The following PRKD1 variants were observed in gnomAD, a reference collection of about 807,000 sequenced individuals.
PRKD1 encodes serine/threonine-protein kinase D1.
In PRKD1, 63 loss-of-function variants were observed where a neutral mutation model predicts 95.9. The ratio of observed to expected loss-of-function variants is 0.66; its 90% CI spans 0.54 to 0.81. PRKD1 has a LOEUF of 0.81. PRKD1 is among the 30% of genes least tolerant of loss of function. The probability of loss-of-function intolerance (pLI) is 0.00; values close to 1 mark genes in which losing one functional copy is unlikely to be tolerated. For synonymous variants in PRKD1, 425 were observed against 423.1 expected (o/e 1.00, Z -0.05); for missense variants, 1,048 against 1,165.3 (o/e 0.90, Z 1.47).
intron 1 of PRKD1, among the ~76,000 whole-genome samples, chr14:29,870,438 T>C (rs1033600354): frequency 6.6e-6 from 1 of 152,196 alleles, no homozygotes; most frequent in Non-Finnish European, 1.5e-5. Context: ...ATAAGCATGG[T>C]AATTTTCTGT....
intron 2 of PRKD1, among the ~76,000 whole-genome samples, chr14:29,679,378 A>G (rs1883405607): frequency 6.6e-6 from 1 of 152,198 alleles, no homozygotes; most frequent in African/African-American, 2.4e-5. Flanking sequence ...CAAAGATTGC[A>G]TCTAACCTTC....
In PRKD1 at chr14:29,637,013, G is replaced by A. The variant is rs565117455; in HGVS notation, c.986-519C>T. Among the ~76,000 whole-genome samples, 21 of 152,224 alleles carry A rather than the reference G, an allele frequency of 1.4e-4. No homozygotes were observed. In the South Asian group the frequency reaches 2.7e-3, roughly 20 times the overall value. ...CATGTAATTTTATAGGTAGATGCTC[G>A]TTTTCCGTTTTCCCAAGCCTGAAAA... On this transcript the variant is annotated intron_variant, in intron 6 of 17. Coordinates refer to ENST00000331968, the MANE Select transcript of PRKD1 (RefSeq NM_002742.3).
At chr14:29,594,581 T>C (rs1893237787) in intron 16 of PRKD1, among the ~76,000 whole-genome samples, 3 of 152,202 alleles carry the variant, frequency 2.0e-5, no homozygotes, top group African/African-American at 7.2e-5. Context: ...GAATGGCAGA[T>C]AGGACTCTCT....
chr14:29,661,599 C>G (rs1430772406), intron 4 of PRKD1, among the ~76,000 whole-genome samples: 1 of 152,128 alleles, frequency 6.6e-6, no homozygotes, highest in Non-Finnish European at 1.5e-5. Flanking sequence ...TTCCTACTTT[C>G]TCAGGGATTG....
At position 29,780,965 on chromosome 14, in the gene PRKD1, A is replaced by G. The variant is rs935506687; in HGVS notation, c.265-55291T>C. Reference sequence around the variant, plus strand: ...CATGGAATACTATGCCACCATAAAAAAGGATGAGTTCATGTCCTTTGTAGG... The same window carrying G: ...CATGGAATACTATGCCACCATAAAAGAGGATGAGTTCATGTCCTTTGTAGG... On this transcript the variant is annotated intron_variant, in intron 1 of 17. Transcript: ENST00000331968. Among the ~76,000 whole-genome samples the G allele has an allele frequency of 3.9e-5, 6 of 152,138 alleles. 1 individual carries two copies. Among genetic ancestry groups the G allele is most frequent in the South Asian group, 4.1e-4 (2 of 4,824 alleles).
chr14:29,839,482 G>A (rs1027615162), intron 1 of PRKD1, among the ~76,000 whole-genome samples: 1 of 152,078 alleles, frequency 6.6e-6, no homozygotes, highest in African/African-American at 2.4e-5. Context: ...ATACTCTCCG[G>A]GGTGCACGGT....
At chr14:29,814,004 T>C (rs149966331) in intron 1 of PRKD1, among the ~76,000 whole-genome samples, 274 of 152,336 alleles carry the variant, frequency 1.8e-3, no homozygotes, top group African/African-American at 6.4e-3. Context: ...TGAATATTCA[T>C]TTACTTTGGG....
chr14:29,714,246 A>G (rs1055181943), intron 2 of PRKD1, among the ~76,000 whole-genome samples: 2 of 152,186 alleles, frequency 1.3e-5, no homozygotes, highest in Admixed American at 6.5e-5. Context: ...GATATAGTGA[A>G]CAATTTCTTC....
In PRKD1 at chr14:29,829,575, A is replaced by G. The variant is rs1007710325; in HGVS notation, c.264+97674T>C. ...GAAGAAAAGGTTTCTTTGCATGTTC[A>G]TTTGTTTCTAGCTACTCTTGATGTA... On this transcript the variant is annotated intron_variant, in intron 1 of 17. Coordinates refer to ENST00000331968, the MANE Select transcript of PRKD1 (RefSeq NM_002742.3). 2.6e-5 allele frequency among the ~76,000 whole-genome samples: 4 copies of G among 152,248 alleles called. No homozygotes were observed. In the East Asian group the frequency reaches 5.8e-4, roughly 22 times the overall value.
chr14:29,858,001 A>T (rs1355530815), intron 1 of PRKD1, among the ~76,000 whole-genome samples: 1 of 152,214 alleles, frequency 6.6e-6, no homozygotes, highest in Non-Finnish European at 1.5e-5. Flanking sequence ...TGAGCCAGCT[A>T]AGAAATTTAA....
At chr14:29,578,681 G>A (rs1336056123) in intron 16 of PRKD1, among the ~76,000 whole-genome samples, 1 of 149,022 alleles carries the variant, frequency 6.7e-6, no homozygotes, top group African/African-American at 2.5e-5. Context: ...TTGTTTATAT[G>A]TACATCATTT....
chr14:29,639,199 A>C (rs888770067), intron 4 of PRKD1, among the ~76,000 whole-genome samples: 3 of 152,220 alleles, frequency 2.0e-5, no homozygotes, highest in Non-Finnish European at 4.4e-5. Context: ...TTAATACAGA[A>C]ATATAAAGTT....
intron 1 of PRKD1, among the ~76,000 whole-genome samples, chr14:29,835,716 A>G (rs1891587201): frequency 6.6e-6 from 1 of 151,938 alleles, no homozygotes; most frequent in Non-Finnish European, 1.5e-5. Flanking sequence ...GATTACAGGC[A>G]CACGCCACCA....
intron 2 of PRKD1, among the ~76,000 whole-genome samples, chr14:29,713,216 G>A (rs1885418603): frequency 6.6e-6 from 1 of 152,074 alleles, no homozygotes; most frequent in South Asian, 2.1e-4. Context: ...ATTCCAATAT[G>A]ACCTCTTAGT....
At chr14:29,911,161 GAAC>G (rs1894699824) in intron 1 of PRKD1, among the ~76,000 whole-genome samples, 1 of 152,070 alleles carries the variant, frequency 6.6e-6, no homozygotes, top group Non-Finnish European at 1.5e-5. Flanking sequence ...AGGTGTGTAA[GAAC>G]TACTTAAGAA....
In PRKD1 at chr14:29,577,119, TTTAA is replaced by T; in HGVS notation, c.*115_*118del. 1 of 1,065,576 alleles carries T rather than the reference TTTAA, an allele frequency of 9.4e-7. No homozygotes were observed. The highest frequency in any genetic ancestry group is 1.5e-5 in the South Asian group (1 of 66,974). The allele number at this position is 1,065,576 out of a possible 1,614,324, so 66.0% of individuals were successfully genotyped here. A position where few individuals can be genotyped will look rare whatever the true frequency, so the allele number is the denominator to read the frequency against. ...TCAGATACATCAACAGTGCTAACAGTTTAACAGCTTTGTTCTCATCTGACAGAAA... is the reference window on the plus strand; with the variant it reads ...TCAGATACATCAACAGTGCTAACAGTCAGCTTTGTTCTCATCTGACAGAAA... On this transcript the variant is annotated 3_prime_UTR_variant, in exon 18 of 18. Coordinates refer to ENST00000331968, the MANE Select transcript of PRKD1 (RefSeq NM_002742.3).
chr14:29,726,082 C>A (rs1160772977), intron 1 of PRKD1, among the ~76,000 whole-genome samples: 1 of 152,122 alleles, frequency 6.6e-6, no homozygotes, highest in East Asian at 1.9e-4. Flanking sequence ...ATAATAATGG[C>A]AATTTGTTTG....
chr14:29,665,096 G>A (rs939102398), intron 3 of PRKD1, among the ~76,000 whole-genome samples: 6 of 152,110 alleles, frequency 3.9e-5, no homozygotes, highest in African/African-American at 1.4e-4. Flanking sequence ...TTCAAGACAG[G>A]AAACTTAAAG....
At chr14:29,720,106 T>G (rs1461305844) in intron 2 of PRKD1, among the ~76,000 whole-genome samples, 1 of 152,180 alleles carries the variant, frequency 6.6e-6, no homozygotes, top group Non-Finnish European at 1.5e-5. Context: ...AAAGGCTGCT[T>G]AGAGTGTGAG....
Sources: allele counts gnomAD v4.1 joint callset (sites outside exome capture counted in the v4.1 genomes callset), GRCh38; gene constraint gnomAD v4.1.1; transcripts MANE v1.5; gene names NCBI Gene and HGNC (gene_info 2026-07-23, HGNC 2026-07-21).